PSMA6: variants seen among roughly 807,000 people sequenced by gnomAD.
PSMA6 encodes proteasome 20S subunit alpha 6, also known as proteasome subunit alpha type-6.
For synonymous variants in PSMA6, 88 were observed against 97.7 expected (o/e 0.90, Z 0.59); for missense variants, 170 against 294.8 (o/e 0.58, Z 3.10).
chr14:35,307,212 T>C (rs556414840), intron 1 of PSMA6, among the ~76,000 whole-genome samples: 2 of 152,234 alleles, frequency 1.3e-5, no homozygotes, highest in Admixed American at 6.5e-5. Flanking sequence ...TCCAGAAATA[T>C]TCAACTTGGT....
Position 35,317,133 on chromosome 14 carries a change from A to G in PSMA6, c.684-116A>G, listed in dbSNP as rs532000235. ...TTTTTAAAGATTGGTTTATAAATTG[A>G]TAATTGTTAAAGTAGGTTGATAGGT... On this transcript the variant is annotated intron_variant, in intron 6 of 6. Coordinates refer to ENST00000261479, the MANE Select transcript of PSMA6 (RefSeq NM_002791.3). 4.5e-5 allele frequency: 33 copies of G among 731,102 alleles called. 1 individual carries two copies. The East Asian group carries it at 5.5e-4, about 12-fold the overall frequency. The allele number at this position is 731,102 out of a possible 1,614,324, so 45.3% of individuals were successfully genotyped here.
Position 35,292,545 on chromosome 14 carries a change from C to T in PSMA6, c.69C>T (p.Tyr23=). The change falls in exon 1 of 7, where the codon TAC becomes TAT. Residue 23 remains tyrosine (Y), a synonymous_variant. Coordinates refer to ENST00000261479, the MANE Select transcript of PSMA6 (RefSeq NM_002791.3). ...TTTTTTCACCCGAGGGTCGGCTCTA[C>T]CAAGTAGGTGAGTGAACCAGGTTCG... ...ITIFSPEGRL[Y]QVEYAFKAIN... 1.2e-6 allele frequency: 2 copies of T among 1,613,646 alleles called. No homozygotes were observed. Among genetic ancestry groups the T allele is most frequent in the Non-Finnish European group, 1.7e-6 (2 of 1,179,666 alleles).
chr14:35,312,194 T>G, intron 4 of PSMA6, among the ~76,000 whole-genome samples: 1 of 106,130 alleles, frequency 9.4e-6, no homozygotes, highest in African/African-American at 4.0e-5. Context: ...CGAGTCCTCG[T>G]CTCCTAAAAA....
intron 1 of PSMA6, 41 bp downstream of exon 1, chr14:35,292,593 C>T (rs1343293189): frequency 4.4e-6 from 7 of 1,607,990 alleles, no homozygotes; most frequent in South Asian, 2.2e-5. Flanking sequence ...CTGAATTGCC[C>T]TGTCATGGTA....
chr14:35,295,734 G>A (rs1484810768), intron 1 of PSMA6, among the ~76,000 whole-genome samples: 4 of 152,230 alleles, frequency 2.6e-5, no homozygotes, highest in Non-Finnish European at 2.9e-5. Flanking sequence ...TTACAGGCAT[G>A]AGCCATTGCG....
chr14:35,278,607 TC>T, upstream of PSMA6: 1 of 1,351,644 alleles, frequency 7.4e-7, no homozygotes. Flanking sequence ...GACGATTCCA[TC>T]CATGCGGCTC....
intron 1 of PSMA6, among the ~76,000 whole-genome samples, chr14:35,302,129 T>A (rs1363069066): frequency 7.2e-5 from 11 of 152,136 alleles, no homozygotes; most frequent in Non-Finnish European, 5.9e-5. Flanking sequence ...TTCCAGGGAC[T>A]AGGACATAGA....
At chr14:35,296,653 A>T (rs934913714) in intron 1 of PSMA6, among the ~76,000 whole-genome samples, 8 of 152,120 alleles carry the variant, frequency 5.3e-5, no homozygotes, top group African/African-American at 1.9e-4. Flanking sequence ...TCTGTAGGGG[A>T]TACTGTCAAG....
chr14:35,290,820 C>G (rs1453225693), upstream of PSMA6, among the ~76,000 whole-genome samples: 1 of 152,084 alleles, frequency 6.6e-6, no homozygotes, highest in Non-Finnish European at 1.5e-5. Flanking sequence ...CACAAATTTG[C>G]GATTTGAAAA....
chr14:35,306,883 A>AG (rs1418762049), intron 1 of PSMA6, among the ~76,000 whole-genome samples: 3 of 152,172 alleles, frequency 2.0e-5, no homozygotes, highest in Non-Finnish European at 4.4e-5. Context: ...ATGGTGGCTC[A>AG]CGCCTGTAAT....
At chr14:35,288,052 G>T (rs139900728), upstream of PSMA6, among the ~76,000 whole-genome samples, 45 of 152,254 alleles carry the variant, frequency 3.0e-4, 1 homozygote, top group East Asian at 8.7e-3. Context: ...TTGAAATTTG[G>T]ATCTCTCATT....
intron 1 of PSMA6, among the ~76,000 whole-genome samples, chr14:35,298,104 C>G (rs1272380222): frequency 6.6e-6 from 1 of 152,112 alleles, no homozygotes; most frequent in Non-Finnish European, 1.5e-5. Flanking sequence ...GTGGTTCAAT[C>G]TAATACTTAG....
upstream of PSMA6, among the ~76,000 whole-genome samples, chr14:35,291,165 T>G (rs1398782571): frequency 6.6e-6 from 1 of 151,854 alleles, no homozygotes; most frequent in Admixed American, 6.6e-5. Flanking sequence ...CTAATTTTAT[T>G]TTTTGTAGAG....
chr14:35,285,139 A>T (rs1182014836), intron 1 of PSMA6, among the ~76,000 whole-genome samples: 1 of 152,166 alleles, frequency 6.6e-6, no homozygotes, highest in Non-Finnish European at 1.5e-5. Context: ...TAAGCCCAGG[A>T]GTTCAAGACC....
upstream of PSMA6, among the ~76,000 whole-genome samples, chr14:35,291,003 T>TG: frequency 6.6e-6 from 1 of 151,906 alleles, no homozygotes; most frequent in East Asian, 1.9e-4. Flanking sequence ...CATTTTTTTT[T>TG]TTTTATTTAG....
chr14:35,305,350 G>A (rs1488679474), intron 1 of PSMA6, among the ~76,000 whole-genome samples: 1 of 152,010 alleles, frequency 6.6e-6, no homozygotes, highest in African/African-American at 2.4e-5. Context: ...TGCCCAGGCT[G>A]GCCTGGGACT....
chr14:35,294,675 A>G (rs977351159), intron 1 of PSMA6, among the ~76,000 whole-genome samples: 3 of 151,960 alleles, frequency 2.0e-5, no homozygotes, highest in Non-Finnish European at 4.4e-5. Context: ...AGTGAATGTT[A>G]TTAGATGCTT....
intron 6 of PSMA6, 70 bp from the exon 7 acceptor site, chr14:35,317,179 A>C (rs1490925521): frequency 1.3e-5 from 15 of 1,182,972 alleles, no homozygotes; most frequent in African/African-American, 3.0e-5. Context: ...TTATTATACT[A>C]TCCCACTTTT....
At chr14:35,292,337 C>A, upstream of PSMA6, 1 of 1,505,638 alleles carries the variant, frequency 6.6e-7, no homozygotes. Context: ...GCTCCAGAGC[C>A]GTGAGTTCGG....
Sources: gnomAD v4.1 joint callset for allele counts (sites outside exome capture counted in the v4.1 genomes callset) on GRCh38, gnomAD v4.1.1 for gene constraint, MANE v1.5 for transcripts, NCBI Gene and HGNC (gene_info 2026-07-23, HGNC 2026-07-21) for gene names.